Variants in FHL5 observed in about 807,000 individuals in gnomAD.
FHL5 encodes the protein four and a half LIM domains 5.
In FHL5, 33 loss-of-function variants were observed where a neutral mutation model predicts 32.0. The ratio of observed to expected loss-of-function variants is 1.03; its 90% confidence interval spans 0.78 to 1.38. The LOEUF is 1.38. Ranked by LOEUF, FHL5 falls within the 40% of genes most tolerant of loss-of-function variation. The probability of loss-of-function intolerance (pLI) is 0.00; values close to 1 mark genes in which losing one functional copy is unlikely to be tolerated. For missense variants in FHL5, 336 were observed against 343.9 expected, an observed-to-expected ratio of 0.98 and a Z score of 0.18; for synonymous variants, 114 against 113.6, an observed-to-expected ratio of 1.00 and a Z score of -0.02.
intron 1 of FHL5, among the ~76,000 whole-genome samples, chr6:96,566,761 A>G (rs1770366758): frequency 6.6e-6 from 1 of 151,708 alleles, no homozygotes; most frequent in Admixed American, 6.6e-5. Flanking sequence ...GACATTGACC[A>G]TTTTTTGTAC....
At chr6:96,567,239 G>A (rs1326914782) in intron 1 of FHL5, among the ~76,000 whole-genome samples, 6 of 151,782 alleles carry the variant, frequency 4.0e-5, no homozygotes, top group Non-Finnish European at 8.9e-5. Context: ...ATTTTTCAAA[G>A]AGACTGTTCC....
At chr6:96,608,974 C>G (rs75704362) in intron 4 of FHL5, among the ~76,000 whole-genome samples, 1,642 of 152,274 alleles carry the variant, frequency 0.011, 30 homozygotes, top group African/African-American at 0.031. Context: ...CCAAACAAAT[C>G]AAAGGAATCA....
At chr6:96,577,055 T>G (rs1174154576) in intron 1 of FHL5, among the ~76,000 whole-genome samples, 2 of 152,182 alleles carry the variant, frequency 1.3e-5, no homozygotes, top group Admixed American at 6.5e-5. Flanking sequence ...CATTTTCCTT[T>G]GATGGATGCT....
At chr6:96,567,967 G>C (rs1770396393) in intron 1 of FHL5, among the ~76,000 whole-genome samples, 1 of 151,040 alleles carries the variant, frequency 6.6e-6, no homozygotes, top group African/African-American at 2.4e-5. Flanking sequence ...TTTCAATTTA[G>C]ATGCTCCTTA....
At chr6:96,578,300 T>C (rs986696101) in intron 1 of FHL5, among the ~76,000 whole-genome samples, 2 of 152,216 alleles carry the variant, frequency 1.3e-5, no homozygotes, top group African/African-American at 4.8e-5. Flanking sequence ...ACTCACTGAT[T>C]GCACAATTAA....
At chr6:96,569,880 A>G (rs2127958626) in intron 1 of FHL5, among the ~76,000 whole-genome samples, 1 of 150,544 alleles carries the variant, frequency 6.6e-6, no homozygotes, top group Non-Finnish European at 1.5e-5. Flanking sequence ...TTGGGAATTT[A>G]GTCTGTTTAC....
intron 1 of FHL5, among the ~76,000 whole-genome samples, chr6:96,573,912 A>G (rs941533779): frequency 6.6e-6 from 1 of 152,036 alleles, no homozygotes; most frequent in Non-Finnish European, 1.5e-5. Context: ...TTTCCTTATT[A>G]CCAAAGTGAT....
chr6:96,582,362 G>A (rs1582463210), intron 1 of FHL5, among the ~76,000 whole-genome samples: 1 of 151,816 alleles, frequency 6.6e-6, no homozygotes, highest in Non-Finnish European at 1.5e-5. Context: ...GAAAAAAAAA[G>A]GATGATATTA....
chr6:96,565,016 AG>A (rs1482766429), intron 1 of FHL5, among the ~76,000 whole-genome samples: 1 of 152,082 alleles, frequency 6.6e-6, no homozygotes, highest in Non-Finnish European at 1.5e-5. Flanking sequence ...TAGCTTTGGG[AG>A]GCCAAGGTCG....
In FHL5 at chr6:96,607,819, T is replaced by TA. The variant is rs1204699307; in HGVS notation, c.504+1762dup. ...GCAACATAGTGACACCCTGTCTGTATAAAAAAAAAAAAAAGTTTAAAAATT... is the reference window on the plus strand; with the variant it reads ...GCAACATAGTGACACCCTGTCTGTATAAAAAAAAAAAAAAAGTTTAAAAATT... On this transcript the variant is annotated intron_variant, in intron 4 of 5. Transcript: ENST00000450218. 3.3e-3 allele frequency among the ~76,000 whole-genome samples: 445 copies of TA among 134,446 alleles called. 2 individuals are homozygous for TA. Among genetic ancestry groups the TA allele is most frequent in the East Asian group, 0.029 (139 of 4,720 alleles). 88.2% of individuals were successfully genotyped at this position (134,446 alleles called of 152,430 possible).
rs1771268422 is a variant in FHL5, at chr6:96,605,996, C to T, written c.429C>T (p.Ile143=). The T allele has an allele frequency of 4.3e-6, 7 of 1,614,064 alleles. No individual in the cohort carries two copies. The highest frequency in any genetic ancestry group is 5.9e-6 in the Non-Finnish European group (7 of 1,179,976). Residue 143 remains isoleucine (I), a synonymous_variant, in exon 4 of 6, where the codon ATC becomes ATT. Transcript: ENST00000450218. The part of the protein sequence containing the change: ...CRQPIGTKPL[I]SKESGNYCVP... ...AACCTATAGGGACAAAGCCTTTGAT[C>T]TCCAAAGAGAGTGGCAATTATTGTG...
rs369256526 is a variant in FHL5 at position 96,610,697 on chromosome 6, C to T, written c.630C>T (p.Cys210=). 9.9e-6 allele frequency: 16 copies of T among 1,613,726 alleles called. No individual in the cohort carries two copies. Among genetic ancestry groups the T allele is most frequent in the African/African-American group, 2.7e-5 (2 of 74,916 alleles). The change falls in exon 5 of 6, where the codon TGC becomes TGT. Residue 210 remains cysteine, a synonymous_variant. Coordinates refer to ENST00000450218, the MANE Select transcript of FHL5 (RefSeq NM_001322466.2). The stretch of plus-strand genomic sequence containing the variant: ...TGTCCAGAGACGACTATCCATTCTG[C>T]GTGGACTGCTACAACCATCTTTATG... The part of the protein sequence containing the change: ...QFMSRDDYPF[C]VDCYNHLYAN...
chr6:96,598,547 G>A (rs1352171199), intron 1 of FHL5, among the ~76,000 whole-genome samples: 1 of 152,162 alleles, frequency 6.6e-6, no homozygotes, highest in Non-Finnish European at 1.5e-5. Context: ...CCTTCTTTAA[G>A]GGGGTGGCTT....
At chr6:96,565,831 GA>G (rs1343280450) in intron 1 of FHL5, among the ~76,000 whole-genome samples, 3 of 151,804 alleles carry the variant, frequency 2.0e-5, no homozygotes, top group Admixed American at 1.3e-4. Flanking sequence ...TGACTTCTAA[GA>G]TTTTTTTCTT....
At chr6:96,573,014 T>G (rs1770512240) in intron 1 of FHL5, among the ~76,000 whole-genome samples, 1 of 151,696 alleles carries the variant, frequency 6.6e-6, no homozygotes, top group Non-Finnish European at 1.5e-5. Context: ...CTCTCTGACC[T>G]TTAATACTTT....
chr6:96,581,665 G>C (rs554984804), intron 1 of FHL5, among the ~76,000 whole-genome samples: 3 of 152,156 alleles, frequency 2.0e-5, no homozygotes, highest in Non-Finnish European at 2.9e-5. Context: ...TGGTAGAAAC[G>C]GTGTTAAGTA....
At chr6:96,608,192 T>C (rs1582480217) in intron 4 of FHL5, among the ~76,000 whole-genome samples, 1 of 152,138 alleles carries the variant, frequency 6.6e-6, no homozygotes, top group East Asian at 1.9e-4. Flanking sequence ...ACTCTTTCAA[T>C]GCTATAACAA....
At chr6:96,590,442 C>T (rs540277424) in intron 1 of FHL5, among the ~76,000 whole-genome samples, 1 of 151,726 alleles carries the variant, frequency 6.6e-6, no homozygotes, top group Non-Finnish European at 1.5e-5. Flanking sequence ...AATAGGAATA[C>T]AATTGATTTT....
At chr6:96,607,128 G>A (rs1162950029) in intron 4 of FHL5, among the ~76,000 whole-genome samples, 1 of 152,036 alleles carries the variant, frequency 6.6e-6, no homozygotes, top group Non-Finnish European at 1.5e-5. Flanking sequence ...TGAAAAAGTA[G>A]CTCTAACACC....
Sources: gnomAD v4.1 joint callset for allele counts (sites outside exome capture counted in the v4.1 genomes callset) on GRCh38, gnomAD v4.1.1 for gene constraint, MANE v1.5 for transcripts, NCBI Gene and HGNC (gene_info 2026-07-23, HGNC 2026-07-21) for gene names.